FNDC3A: variants seen among roughly 807,000 people sequenced by gnomAD.
FNDC3A encodes fibronectin type-III domain-containing protein 3A.
In FNDC3A, 32 loss-of-function variants were observed where a neutral mutation model predicts 148.9. The ratio of observed to expected loss-of-function variants is 0.21; its 90% CI spans 0.16 to 0.29. The LOEUF is 0.29. Ranked by LOEUF, FNDC3A falls within the 10% of genes least tolerant of loss-of-function variation. The probability of loss-of-function intolerance (pLI) is 1.00; values close to 1 mark genes in which losing one functional copy is unlikely to be tolerated. For missense variants in FNDC3A, 1,191 were observed against 1,452.8 expected (o/e 0.82, Z 2.93); for synonymous variants, 472 against 473.6 (o/e 1.00, Z 0.04).
At chr13:49,128,559 T>C (rs1307697243) in intron 4 of FNDC3A, among the ~76,000 whole-genome samples, 1 of 152,160 alleles carries the variant, frequency 6.6e-6, no homozygotes, top group Admixed American at 6.5e-5. Flanking sequence ...CCACATATCC[T>C]CTAGGAGTCA....
chr13:49,209,237 G>A lies in FNDC3A; in HGVS notation c.*1842G>A, dbSNP rs1251593223. ...AGTTGAATGTCTAAAATGGTAAAAT[G>A]TGCCACTGTGTCAAGTTACAGTGGC... On this transcript the variant is annotated 3_prime_UTR_variant, in exon 26 of 26. Transcript: ENST00000492622. 1 of 152,694 alleles carries A rather than the reference G, an allele frequency of 6.5e-6. No homozygotes were observed. Among genetic ancestry groups the A allele is most frequent in the East Asian group, 1.9e-4 (1 of 5,186 alleles). The allele number at this position is 152,694 out of a possible 1,614,324, so 9.5% of individuals were successfully genotyped here. A position where few individuals can be genotyped will look rare whatever the true frequency, so the allele number is the denominator to read the frequency against.
intron 17 of FNDC3A, among the ~76,000 whole-genome samples, 156 bp downstream of exon 17, chr13:49,188,789 C>T (rs899346247): frequency 2.6e-5 from 4 of 152,188 alleles, no homozygotes; most frequent in Non-Finnish European, 4.4e-5. Context: ...CCAAAATATT[C>T]TAATGTGGTA....
At chr13:49,067,212 A>T (rs1275350443) in intron 2 of FNDC3A, among the ~76,000 whole-genome samples, 1 of 152,208 alleles carries the variant, frequency 6.6e-6, no homozygotes. Context: ...GTAGATTTTA[A>T]TTATATTTTC....
At chr13:49,102,221 T>A (rs963181842) in intron 3 of FNDC3A, among the ~76,000 whole-genome samples, 1 of 152,062 alleles carries the variant, frequency 6.6e-6, no homozygotes, top group East Asian at 1.9e-4. Context: ...TTATCATGGC[T>A]TGTGTTTTGG....
intron 1 of FNDC3A, among the ~76,000 whole-genome samples, chr13:49,000,185 A>G (rs1952100181): frequency 6.6e-6 from 1 of 152,154 alleles, no homozygotes; most frequent in South Asian, 2.1e-4. Flanking sequence ...GCTTTTCCCC[A>G]TGTTTTCTTC....
chr13:49,039,608 G>A (rs1354076315), intron 2 of FNDC3A, among the ~76,000 whole-genome samples: 2 of 152,118 alleles, frequency 1.3e-5, no homozygotes, highest in Non-Finnish European at 2.9e-5. Flanking sequence ...TTAAATTTTA[G>A]TCATATTTTG....
At chr13:49,166,894 A>G (rs1339294076) in intron 8 of FNDC3A, among the ~76,000 whole-genome samples, 1 of 152,174 alleles carries the variant, frequency 6.6e-6, no homozygotes, top group African/African-American at 2.4e-5. Context: ...TTTCAACAGT[A>G]CATGTTTTAT....
chr13:49,169,962 T>G (rs1884670059), intron 10 of FNDC3A, among the ~76,000 whole-genome samples: 1 of 152,226 alleles, frequency 6.6e-6, no homozygotes, highest in Non-Finnish European at 1.5e-5. Flanking sequence ...GTAGAGCAGT[T>G]GAGGTAGCAG....
chr13:48,990,816 G>A (rs987231793), intron 1 of FNDC3A, among the ~76,000 whole-genome samples: 1 of 151,950 alleles, frequency 6.6e-6, no homozygotes, highest in African/African-American at 2.4e-5. Context: ...TACAATAATA[G>A]CAAAAATCCC....
At chr13:49,114,154 C>T (rs1880765243) in intron 3 of FNDC3A, among the ~76,000 whole-genome samples, 1 of 152,152 alleles carries the variant, frequency 6.6e-6, no homozygotes, top group Non-Finnish European at 1.5e-5. Context: ...AAATTTCTAA[C>T]TATTCTTCCT....
intron 3 of FNDC3A, among the ~76,000 whole-genome samples, chr13:49,086,220 G>C (rs1417121616): frequency 6.6e-6 from 1 of 152,150 alleles, no homozygotes; most frequent in Non-Finnish European, 1.5e-5. Flanking sequence ...GCATCTGCTG[G>C]CTCTTCACTT....
intron 3 of FNDC3A, among the ~76,000 whole-genome samples, chr13:49,112,266 T>C (rs910113755): frequency 1.3e-5 from 2 of 152,218 alleles, no homozygotes; most frequent in Non-Finnish European, 2.9e-5. Flanking sequence ...TTTCACATAT[T>C]GTAAGTAATA....
intron 3 of FNDC3A, among the ~76,000 whole-genome samples, chr13:49,101,952 A>G (rs1337002426): frequency 6.6e-6 from 1 of 152,058 alleles, no homozygotes; most frequent in African/African-American, 2.4e-5. Flanking sequence ...TACACAAAGC[A>G]GAGAGCTTTT....
At position 48,976,057 on chromosome 13, in the gene FNDC3A, CCGGCGGCCG is replaced by C. The variant is rs1345720814; in HGVS notation, c.-151_-143del. ...GGAAACAACCCCAACAGTCAGCGCG[CCGGCGGCCG>C]CGGCGGCCCTGAGAGCTGACTCTGC... On this transcript the variant is annotated 5_prime_UTR_variant, in exon 1 of 26. Coordinates refer to ENST00000492622, the MANE Select transcript of FNDC3A (RefSeq NM_001079673.2). 3.9e-5 allele frequency: 6 copies of C among 152,440 alleles called. No homozygotes were observed. Among genetic ancestry groups the C allele is most frequent in the Non-Finnish European group, 7.3e-5 (5 of 68,392 alleles). The allele number at this position is 152,440 out of a possible 1,614,324, so 9.4% of individuals were successfully genotyped here.
chr13:48,981,480 C>CTTT (rs769217943), intron 1 of FNDC3A, among the ~76,000 whole-genome samples: 1 of 142,854 alleles, frequency 7.0e-6, no homozygotes, highest in Non-Finnish European at 1.5e-5. Context: ...GCAATGCAGC[C>CTTT]TTTTTTTTTT....
At chr13:49,001,488 C>T (rs2137588208) in intron 1 of FNDC3A, among the ~76,000 whole-genome samples, 1 of 152,282 alleles carries the variant, frequency 6.6e-6, no homozygotes, top group East Asian at 1.9e-4. Context: ...CTCTGACTGC[C>T]AGTGAGCTGG....
At chr13:49,140,279 T>A (rs1230713618) in intron 7 of FNDC3A, among the ~76,000 whole-genome samples, 1 of 152,150 alleles carries the variant, frequency 6.6e-6, no homozygotes, top group African/African-American at 2.4e-5. Context: ...AATGCTGCAG[T>A]GAACTAAGAT....
At chr13:49,130,616 G>A (rs949113789) in intron 4 of FNDC3A, among the ~76,000 whole-genome samples, 1 of 151,960 alleles carries the variant, frequency 6.6e-6, no homozygotes. Flanking sequence ...TCTAATCAGT[G>A]TTTTAAGATT....
intron 2 of FNDC3A, among the ~76,000 whole-genome samples, chr13:49,043,050 G>A (rs2137690718): frequency 6.6e-6 from 1 of 151,894 alleles, no homozygotes; most frequent in East Asian, 1.9e-4. Flanking sequence ...TGACCTCCTG[G>A]GCTCAAAGAA....
Sources: allele counts gnomAD v4.1 joint callset (sites outside exome capture counted in the v4.1 genomes callset), GRCh38; gene constraint gnomAD v4.1.1; transcripts MANE v1.5; gene names NCBI Gene and HGNC (gene_info 2026-07-23, HGNC 2026-07-21).